PSME4: variants seen among roughly 807,000 people sequenced by gnomAD.
The protein encoded by PSME4 is proteasome activator complex subunit 4.
In PSME4, 89 loss-of-function variants were observed where a neutral mutation model predicts 253.9. The ratio of observed to expected loss-of-function variants is 0.35; its 90% CI spans 0.30 to 0.42. The LOEUF is 0.42. Ranked by LOEUF, PSME4 falls within the 10% of genes least tolerant of loss-of-function variation. PSME4 has a pLI of 1.00. For synonymous variants in PSME4, 851 were observed against 759.2 expected (o/e 1.12, Z -1.99); for missense variants, 2,014 against 2,195.2 (o/e 0.92, Z 1.65).
chr2:53,947,481 G>A (rs2104474777), intron 3 of PSME4, among the ~76,000 whole-genome samples: 1 of 151,846 alleles, frequency 6.6e-6, no homozygotes, highest in African/African-American at 2.4e-5. Context: ...TGAGGCAGGG[G>A]GATCACGAGG....
At chr2:53,871,951 T>G (rs1278323942) in intron 43 of PSME4, among the ~76,000 whole-genome samples, 1 of 151,950 alleles carries the variant, frequency 6.6e-6, no homozygotes, top group Non-Finnish European at 1.5e-5. Flanking sequence ...GGGGCAGAGG[T>G]TGCAGTGAGC....
intron 17 of PSME4, 21 bp downstream of exon 17, chr2:53,922,496 T>C: frequency 1.2e-6 from 2 of 1,608,866 alleles, no homozygotes; most frequent in South Asian, 1.1e-5. Context: ...TCATGTTTCT[T>C]ATTCCAAAGA....
intron 14 of PSME4, among the ~76,000 whole-genome samples, chr2:53,923,863 C>T (rs1336579481): frequency 7.4e-6 from 1 of 134,984 alleles, no homozygotes; most frequent in Admixed American, 8.9e-5. Context: ...GTGGAGGTTG[C>T]AGTGAGCCGA....
At chr2:53,933,375 CAAAAA>C (rs571833072) in intron 8 of PSME4, among the ~76,000 whole-genome samples, 16 of 60,616 alleles carry the variant, frequency 2.6e-4, no homozygotes, top group South Asian at 2.6e-3. Context: ...GAGACCATCT[CAAAAA>C]AAAAAAAAAA....
chr2:53,928,012 A>C, intron 11 of PSME4, 105 bp downstream of exon 11: 1 of 708,380 alleles, frequency 1.4e-6, no homozygotes, highest in Non-Finnish European at 2.3e-6. Flanking sequence ...ATTTATTTTC[A>C]TATTTATATT....
chr2:53,865,986 A>G, intron 46 of PSME4, 99 bp downstream of exon 46: 1 of 1,231,330 alleles, frequency 8.1e-7, no homozygotes, highest in Non-Finnish European at 1.1e-6. Flanking sequence ...ACTTTATCTA[A>G]ACACTGACAT....
chr2:53,884,114 A>T (rs1206158132), intron 41 of PSME4, among the ~76,000 whole-genome samples: 1 of 152,180 alleles, frequency 6.6e-6, no homozygotes, highest in African/African-American at 2.4e-5. Flanking sequence ...CTCTGGCCCC[A>T]TTCAGCATGA....
intron 43 of PSME4, among the ~76,000 whole-genome samples, chr2:53,874,067 T>C (rs142139847): frequency 6.6e-6 from 1 of 152,158 alleles, no homozygotes. Context: ...GCTTAAGCGA[T>C]CCTCCGACCT....
At chr2:53,909,118 G>C (rs1667705104) in intron 21 of PSME4, among the ~76,000 whole-genome samples, 1 of 151,836 alleles carries the variant, frequency 6.6e-6, no homozygotes, top group African/African-American at 2.4e-5. Flanking sequence ...AACTTCATGG[G>C]GCAAGAAGGT....
Position 53,937,376 on chromosome 2 carries a change from T to C in PSME4, c.695+15A>G. On this transcript the variant is annotated intron_variant, in intron 5 of 46. Coordinates refer to ENST00000404125, the MANE Select transcript of PSME4 (RefSeq NM_014614.3). The stretch of plus-strand genomic sequence containing the variant: ...ACCGTATTTTTAGAATTTGTCAAGA[T>C]ATGAACATACTTACTTAAAACCTTT... The C allele has an allele frequency of 6.4e-7, 1 of 1,552,660 alleles. No homozygotes were observed. Among genetic ancestry groups the C allele is most frequent in the Admixed American group, 2.0e-5 (1 of 49,862 alleles).
chr2:53,951,513 A>AT (rs1382560547), intron 1 of PSME4, among the ~76,000 whole-genome samples: 1 of 152,180 alleles, frequency 6.6e-6, no homozygotes, highest in Non-Finnish European at 1.5e-5. Flanking sequence ...CTTTTCTGTC[A>AT]TTTCAAGGTA....
chr2:53,937,285 G>T, intron 5 of PSME4, 106 bp downstream of exon 5: 1 of 1,078,762 alleles, frequency 9.3e-7, no homozygotes, highest in Non-Finnish European at 1.3e-6. Flanking sequence ...GTACAATAAT[G>T]GCTGAACTTG....
intron 1 of PSME4, among the ~76,000 whole-genome samples, 182 bp downstream of exon 1, chr2:53,970,361 G>C (rs1332398097): frequency 6.6e-6 from 1 of 152,214 alleles, no homozygotes; most frequent in Non-Finnish European, 1.5e-5. Context: ...CCGTAGGAAA[G>C]TGGCAGGGAG....
chr2:53,917,803 C>T (rs1289032832), intron 20 of PSME4, among the ~76,000 whole-genome samples: 1 of 152,068 alleles, frequency 6.6e-6, no homozygotes, highest in Admixed American at 6.5e-5. Flanking sequence ...ATTTTTGAAG[C>T]CTCTTATTTT....
intron 3 of PSME4, among the ~76,000 whole-genome samples, chr2:53,944,333 G>GT (rs1340780412): frequency 6.6e-6 from 1 of 151,862 alleles, no homozygotes; most frequent in East Asian, 1.9e-4. Context: ...TAATTTTTGT[G>GT]TTTTTAGTAG....
At position 53,968,350 on chromosome 2, in the gene PSME4, G is replaced by A. The variant is rs187202326; in HGVS notation, c.242+2193C>T. Among the ~76,000 whole-genome samples the A allele has an allele frequency of 8.6e-5, 13 of 151,488 alleles. No homozygotes were observed. The East Asian group carries it at 2.5e-3, about 29-fold the overall frequency. On this transcript the variant is annotated intron_variant, in intron 1 of 46. Transcript: ENST00000404125. The stretch of plus-strand genomic sequence containing the variant: ...CAAGCATACTGAAACACATGATTAA[G>A]TAACTTTCCCACAGTCTCAGAGCTA...
chr2:53,892,612 A>C (rs1360400534), intron 36 of PSME4, among the ~76,000 whole-genome samples, 196 bp downstream of exon 36: 1 of 152,198 alleles, frequency 6.6e-6, no homozygotes, highest in Non-Finnish European at 1.5e-5. Context: ...AACTTCAAAA[A>C]TTTAAAGATA....
intron 3 of PSME4, among the ~76,000 whole-genome samples, chr2:53,940,752 C>T (rs1669353208): frequency 6.7e-6 from 1 of 149,222 alleles, no homozygotes; most frequent in African/African-American, 2.5e-5. Flanking sequence ...AACAATGGAG[C>T]ACTAGATAAT....
chr2:53,897,143 C>T (rs1680177068), intron 31 of PSME4, among the ~76,000 whole-genome samples: 1 of 149,444 alleles, frequency 6.7e-6, no homozygotes, highest in African/African-American at 2.5e-5. Flanking sequence ...AATACCTGCT[C>T]ATTCTTCAAA....
Sources: gnomAD v4.1 joint callset for allele counts (sites outside exome capture counted in the v4.1 genomes callset) on GRCh38, gnomAD v4.1.1 for gene constraint, MANE v1.5 for transcripts, NCBI Gene and HGNC (gene_info 2026-07-23, HGNC 2026-07-21) for gene names.